The following MECOM variants were observed in gnomAD, a reference collection of about 807,000 sequenced individuals.
MECOM encodes histone-lysine N-methyltransferase MECOM.
MECOM carries 13 observed loss-of-function variants against 116.3 expected under a neutral mutation model. That is an observed-to-expected ratio of 0.11 (90% CI 0.07 to 0.18). The LOEUF (loss-of-function observed/expected upper bound fraction) is 0.18, where lower values mean the gene tolerates loss of function less well. Among genes scored for constraint, MECOM ranks in the 10% least tolerant of loss-of-function variants. The pLI is 1.00. For synonymous variants in MECOM, 528 were observed against 535.2 expected (o/e 0.99, Z 0.19); for missense variants, 1,299 against 1,509.0 (o/e 0.86, Z 2.31).
intron 2 of MECOM, among the ~76,000 whole-genome samples, chr3:169,232,137 C>T (rs779263924): frequency 1.3e-5 from 2 of 152,148 alleles, no homozygotes; most frequent in Non-Finnish European, 2.9e-5. Context: ...TTTCTGATCA[C>T]GTGAGAAGGC....
In MECOM at chr3:169,192,741, T is replaced by C. The variant is rs544934633; in HGVS notation, c.376-48909A>G. Among the ~76,000 whole-genome samples, 15 of 152,182 alleles carry C rather than the reference T, an allele frequency of 9.9e-5. No homozygotes were observed. In the South Asian group the frequency reaches 2.9e-3, roughly 29 times the overall value. On this transcript the variant is annotated intron_variant, in intron 2 of 16. Transcript: ENST00000651503. ...TTCATACTTTTACAGACAGTGTGAC[T>C]ATCCACTTTGCAATTGCAGTGCGAC...
chr3:169,462,131 C>T (rs532890791), intron 1 of MECOM, among the ~76,000 whole-genome samples: 1 of 152,148 alleles, frequency 6.6e-6, no homozygotes, highest in South Asian at 2.1e-4. Flanking sequence ...TTTCCATGAA[C>T]CTAGAGATCC....
chr3:169,643,613 TA>T (rs559580179), intron 1 of MECOM, among the ~76,000 whole-genome samples: 48 of 152,322 alleles, frequency 3.2e-4, no homozygotes, highest in African/African-American at 1.1e-3. Context: ...AGGTCACTTA[TA>T]AAATTACAAA....
At chr3:169,495,810 T>C (rs1030481320) in intron 1 of MECOM, among the ~76,000 whole-genome samples, 5 of 152,224 alleles carry the variant, frequency 3.3e-5, no homozygotes, top group East Asian at 1.9e-4. Context: ...GTGATGTTAA[T>C]TGATGGCTGG....
At chr3:169,123,880 C>T (rs542635031) in intron 5 of MECOM, among the ~76,000 whole-genome samples, 1 of 152,110 alleles carries the variant, frequency 6.6e-6, no homozygotes, top group South Asian at 2.1e-4. Flanking sequence ...ACAAACAGAA[C>T]CCCAATGGTC....
intron 1 of MECOM, among the ~76,000 whole-genome samples, chr3:169,461,858 G>A (rs1418033781): frequency 6.6e-6 from 1 of 152,062 alleles, no homozygotes; most frequent in Non-Finnish European, 1.5e-5. Context: ...AGACCAATGG[G>A]AGCAGTAGGA....
rs5854331 is a variant in MECOM, at chr3:169,425,099, AC to A, written c.38-43576del. Among the ~76,000 whole-genome samples the A allele has an allele frequency of 4.5e-4, 66 of 147,410 alleles. 1 individual carries two copies. The highest frequency in any genetic ancestry group is 3.5e-3 in the Middle Eastern group (1 of 286). On this transcript the variant is annotated intron_variant, in intron 1 of 16. Transcript: ENST00000651503. ...TAAAATTTAGTGTTCATTTGCAGAAACCCCCCCCCACTTGCATGTGCCTCAG... is the reference window on the plus strand; with the variant it reads ...TAAAATTTAGTGTTCATTTGCAGAAACCCCCCCCACTTGCATGTGCCTCAG...
intron 1 of MECOM, among the ~76,000 whole-genome samples, chr3:169,426,123 T>C (rs1740635419): frequency 6.6e-6 from 1 of 152,132 alleles, no homozygotes; most frequent in South Asian, 2.1e-4. Context: ...CATTATCTAG[T>C]AAAAATCCCC....
chr3:169,323,125 A>T (rs1472246964), intron 2 of MECOM, among the ~76,000 whole-genome samples: 1 of 151,820 alleles, frequency 6.6e-6, no homozygotes, highest in Admixed American at 6.6e-5. Flanking sequence ...AATCTGTTAG[A>T]CCTTAGACAT....
intron 1 of MECOM, chr3:169,473,052 T>A (rs1428307384): frequency 2.8e-6 from 2 of 703,964 alleles, no homozygotes; most frequent in Non-Finnish European, 3.5e-6. Flanking sequence ...GTCATTAGCA[T>A]CCAACAGTCT....
chr3:169,520,430 C>G (rs527669713), intron 1 of MECOM, among the ~76,000 whole-genome samples: 1 of 152,090 alleles, frequency 6.6e-6, no homozygotes, highest in East Asian at 1.9e-4. Context: ...GCTCTTGTTC[C>G]GCCATTTTCT....
At chr3:169,320,973 G>A (rs893034158) in intron 2 of MECOM, among the ~76,000 whole-genome samples, 9 of 152,138 alleles carry the variant, frequency 5.9e-5, no homozygotes, top group African/African-American at 2.2e-4. Context: ...GCTCAGAGGG[G>A]CTAATAACTT....
intron 1 of MECOM, chr3:169,476,951 C>T (rs1434305986): frequency 6.7e-6 from 1 of 150,326 alleles, no homozygotes; most frequent in Non-Finnish European, 1.5e-5. Flanking sequence ...AGAGATGAGA[C>T]AACGGACTGT....
At chr3:169,649,435 A>G (rs919680280) in intron 1 of MECOM, among the ~76,000 whole-genome samples, 15 of 151,600 alleles carry the variant, frequency 9.9e-5, no homozygotes, top group Non-Finnish European at 1.3e-4. Context: ...AAAAATAGGA[A>G]AACAAAATAT....
At chr3:169,410,740 A>C (rs1460612000) in intron 1 of MECOM, among the ~76,000 whole-genome samples, 1 of 152,110 alleles carries the variant, frequency 6.6e-6, no homozygotes, top group Admixed American at 6.5e-5. Flanking sequence ...CTATCAAAAC[A>C]CAGCCGCCCT....
chr3:169,096,899 C>T (rs1166169927), intron 12 of MECOM, among the ~76,000 whole-genome samples: 1 of 152,084 alleles, frequency 6.6e-6, no homozygotes, highest in African/African-American at 2.4e-5. Context: ...CAACTTTCCT[C>T]ACTTACGATA....
At chr3:169,413,283 G>A (rs1737890715) in intron 1 of MECOM, among the ~76,000 whole-genome samples, 2 of 152,152 alleles carry the variant, frequency 1.3e-5, no homozygotes, top group African/African-American at 2.4e-5. Flanking sequence ...GCCAAGGGAA[G>A]CCATGAGGGA....
At chr3:169,236,415 T>G (rs1378125603) in intron 2 of MECOM, among the ~76,000 whole-genome samples, 1 of 152,164 alleles carries the variant, frequency 6.6e-6, no homozygotes, top group Non-Finnish European at 1.5e-5. Flanking sequence ...TAATTAATAT[T>G]TGCTAAACAT....
chr3:169,493,045 A>C (rs1012982459), intron 1 of MECOM, among the ~76,000 whole-genome samples: 2 of 152,238 alleles, frequency 1.3e-5, no homozygotes, highest in African/African-American at 4.8e-5. Flanking sequence ...AGAAAGCTAT[A>C]GTCAGAACAA....
Sources: gnomAD v4.1 joint callset for allele counts (sites outside exome capture counted in the v4.1 genomes callset) on GRCh38, gnomAD v4.1.1 for gene constraint, MANE v1.5 for transcripts, NCBI Gene and HGNC (gene_info 2026-07-23, HGNC 2026-07-21) for gene names.